Variants in ATP9B observed in about 807,000 individuals in gnomAD.
ATP9B encodes the protein probable phospholipid-transporting ATPase IIB.
ATP9B carries 110 observed loss-of-function variants against 146.1 expected under a neutral mutation model. The ratio of observed to expected loss-of-function variants is 0.75; its 90% CI spans 0.65 to 0.88. The LOEUF (loss-of-function observed/expected upper bound fraction) is 0.88, where lower values mean the gene tolerates loss of function less well. Among genes scored for constraint, ATP9B ranks in the 40% least tolerant of loss-of-function variants. The pLI, the probability that ATP9B is intolerant of heterozygous loss-of-function variation, is 0.00. For missense variants in ATP9B, 1,499 were observed against 1,496.4 expected (o/e 1.00, Z -0.03); for synonymous variants, 604 against 569.7 (o/e 1.06, Z -0.86).
At chr18:79,142,790 A>C (rs1041939339) in intron 5 of ATP9B, among the ~76,000 whole-genome samples, 7 of 152,226 alleles carry the variant, frequency 4.6e-5, no homozygotes, top group Admixed American at 3.9e-4. Context: ...GATATATCCA[A>C]ATCTTTAGGA....
rs140569357 is a variant in ATP9B at position 79,132,044 on chromosome 18, G to A, written c.667+5669G>A. On this transcript the variant is annotated intron_variant, in intron 5 of 29. Transcript: ENST00000426216. ...GTTTTGGGACTTGATAGAGTTGGTC[G>A]CACTGCATTGTGAATACAGTCAATG... Among the ~76,000 whole-genome samples the A allele has an allele frequency of 9.4e-3, 1,431 of 152,242 alleles. 21 individuals carry two copies. Among genetic ancestry groups the A allele is most frequent in the African/African-American group, 0.032 (1,323 of 41,544 alleles).
chr18:79,157,520 T>C (rs1453112826), intron 7 of ATP9B, among the ~76,000 whole-genome samples: 1 of 151,466 alleles, frequency 6.6e-6, no homozygotes, highest in Non-Finnish European at 1.5e-5. Flanking sequence ...AGTTAAGAAG[T>C]GTTCTTTCTT....
rs893693032 is a variant in ATP9B, at chr18:79,256,264, T to C, written c.1268+2723T>C. On this transcript the variant is annotated intron_variant, in intron 12 of 29. Coordinates refer to ENST00000426216, the MANE Select transcript of ATP9B (RefSeq NM_198531.5). ...TTTGTGAATTCTAGCTAGCTATATA[T>C]ATATATATATATATATATATATACA... is the stretch of plus-strand genomic sequence containing the variant. 4.0e-3 allele frequency among the ~76,000 whole-genome samples: 508 copies of C among 127,982 alleles called. 32 individuals carry two copies. The highest frequency in any genetic ancestry group is 0.014 in the African/African-American group (466 of 32,862). The allele number at this position is 127,982 out of a possible 152,430, so 84.0% of individuals were successfully genotyped here. A position where few individuals can be genotyped will look rare whatever the true frequency, so the allele number is the denominator to read the frequency against.
chr18:79,186,735 T>G lies in ATP9B; in HGVS notation c.874-6448T>G, dbSNP rs537472781. Reference sequence around the variant, plus strand: ...TTTTTGCTATTAATAGTACATAGTCTAAGCTACTATAACAGTTGCACTGTG... The same window carrying G: ...TTTTTGCTATTAATAGTACATAGTCGAAGCTACTATAACAGTTGCACTGTG... On this transcript the variant is annotated intron_variant, in intron 8 of 29. Coordinates refer to ENST00000426216, the MANE Select transcript of ATP9B (RefSeq NM_198531.5). 2.7e-3 allele frequency among the ~76,000 whole-genome samples: 407 copies of G among 152,362 alleles called. 2 individuals are homozygous for G. Among genetic ancestry groups the G allele is most frequent in the African/African-American group, 9.4e-3 (391 of 41,582 alleles).
chr18:79,242,010 T>C (rs900974919), intron 11 of ATP9B, among the ~76,000 whole-genome samples: 1 of 152,236 alleles, frequency 6.6e-6, no homozygotes, highest in African/African-American at 2.4e-5. Flanking sequence ...CCCACCTGTG[T>C]GTGCAGGAGA....
intron 1 of ATP9B, among the ~76,000 whole-genome samples, chr18:79,091,458 A>G (rs1335867258): frequency 6.6e-6 from 1 of 152,094 alleles, no homozygotes; most frequent in Admixed American, 6.6e-5. Context: ...AATTGCCTTC[A>G]TCAGTGTTTT....
At chr18:79,311,639 A>G (rs2146671191) in intron 15 of ATP9B, among the ~76,000 whole-genome samples, 1 of 152,366 alleles carries the variant, frequency 6.6e-6, no homozygotes, top group South Asian at 2.1e-4. Context: ...ACACGTCATT[A>G]GCCATGTAAG....
At chr18:79,360,457 T>A (rs1156861911) in intron 26 of ATP9B, 6 of 152,184 alleles carry the variant, frequency 3.9e-5, no homozygotes, top group Admixed American at 3.9e-4. Context: ...CTTACCTAGC[T>A]AACCACAAAC....
chr18:79,111,813 G>GT (rs552622767), intron 3 of ATP9B, among the ~76,000 whole-genome samples: 5 of 152,110 alleles, frequency 3.3e-5, no homozygotes, highest in South Asian at 2.1e-4. Flanking sequence ...ATGTGTATGA[G>GT]TTTTTTATCT....
chr18:79,281,159 G>C (rs2096372268), intron 13 of ATP9B, among the ~76,000 whole-genome samples: 1 of 152,072 alleles, frequency 6.6e-6, no homozygotes, highest in Non-Finnish European at 1.5e-5. Context: ...TTTTGAAAAA[G>C]ACAACAAAAT....
At chr18:79,225,245 C>T (rs1039087460) in intron 11 of ATP9B, among the ~76,000 whole-genome samples, 3 of 152,140 alleles carry the variant, frequency 2.0e-5, no homozygotes, top group African/African-American at 7.2e-5. Context: ...AGAGTAGAAA[C>T]TGTACCAAAC....
At chr18:79,077,892 GTA>G (rs941261808) in intron 1 of ATP9B, 2 of 152,198 alleles carry the variant, frequency 1.3e-5, no homozygotes, top group African/African-American at 2.4e-5. Context: ...GCATATCTGA[GTA>G]TCTTTCTATT....
rs956348724 is a variant in ATP9B, at chr18:79,117,861, A to G, written c.558+4507A>G. ...TTCTGAATGTGAGATTATAATTCCT[A>G]TGTATCTCTTAATAGTTTTACTGTG... On this transcript the variant is annotated intron_variant, in intron 4 of 29. Coordinates refer to ENST00000426216, the MANE Select transcript of ATP9B (RefSeq NM_198531.5). 12 of 152,266 alleles carry G rather than the reference A, an allele frequency of 7.9e-5. No homozygotes were observed. The East Asian group carries it at 1.2e-3, about 15-fold the overall frequency. 9.4% of individuals were successfully genotyped at this position (152,266 alleles called of 1,614,324 possible).
chr18:79,272,367 A>G (rs2096264796), intron 12 of ATP9B, among the ~76,000 whole-genome samples: 1 of 152,164 alleles, frequency 6.6e-6, no homozygotes, highest in East Asian at 1.9e-4. Context: ...GATGCACCGT[A>G]TGCATGTATG....
chr18:79,157,396 C>CAAAAAAAAAAAAAAAAAAAAA (rs147316668), intron 7 of ATP9B, among the ~76,000 whole-genome samples: 2 of 48,596 alleles, frequency 4.1e-5, no homozygotes, highest in African/African-American at 2.0e-4. Context: ...AACTCCATCT[C>CAAAAAAAAAAAAAAAAAAAAA]AAAAAAAAAA....
chr18:79,377,467 T>G lies in ATP9B; in HGVS notation c.*84T>G. The G allele has an allele frequency of 2.0e-6, 3 of 1,515,234 alleles. No homozygotes were observed. Among genetic ancestry groups the G allele is most frequent in the Non-Finnish European group, 1.8e-6 (2 of 1,121,920 alleles). The allele number at this position is 1,515,234 out of a possible 1,614,324, so 93.9% of individuals were successfully genotyped here. A position where few individuals can be genotyped will look rare whatever the true frequency, so the allele number is the denominator to read the frequency against. ...TGCCCTTGCCAGTGAACGCAGGGTT[T>G]GCCATTGCTACCAAGCAAGCACCAC... On this transcript the variant is annotated 3_prime_UTR_variant, in exon 30 of 30. Coordinates refer to ENST00000426216, the MANE Select transcript of ATP9B (RefSeq NM_198531.5).
intron 13 of ATP9B, among the ~76,000 whole-genome samples, chr18:79,290,616 A>G (rs1164251171): frequency 1.3e-5 from 2 of 152,152 alleles, no homozygotes; most frequent in African/African-American, 4.8e-5. Context: ...CATGCGCTGC[A>G]CCCACTGTCC....
chr18:79,332,224 T>G (rs1041897132), intron 17 of ATP9B, among the ~76,000 whole-genome samples: 2 of 152,158 alleles, frequency 1.3e-5, no homozygotes, highest in Non-Finnish European at 1.5e-5. Flanking sequence ...GGTCAGGAGA[T>G]TGAGACCCTC....
chr18:79,157,198 T>TA (rs926192408), intron 7 of ATP9B, among the ~76,000 whole-genome samples: 256 of 127,264 alleles, frequency 2.0e-3, no homozygotes, highest in Middle Eastern at 3.8e-3. Flanking sequence ...CCGTCTCTAC[T>TA]AAAAAAAATA....
Sources: allele counts gnomAD v4.1 joint callset (sites outside exome capture counted in the v4.1 genomes callset), GRCh38; gene constraint gnomAD v4.1.1; transcripts MANE v1.5; gene names NCBI Gene and HGNC (gene_info 2026-07-23, HGNC 2026-07-21).